The following ZNF85 variants were observed in gnomAD, a reference collection of about 807,000 sequenced individuals.
The protein encoded by ZNF85 is zinc finger protein 85 (HPF4, HTF1).
A neutral mutation model predicts 53.9 loss-of-function variants in ZNF85; 50 were observed. That is an observed-to-expected ratio of 0.93 (90% confidence interval 0.74 to 1.17). The LOEUF (loss-of-function observed/expected upper bound fraction) is 1.17. Among genes scored for constraint, ZNF85 ranks in the 50% most tolerant of loss-of-function variants. The probability of loss-of-function intolerance (pLI) is 0.00; values close to 1 mark genes in which losing one functional copy is unlikely to be tolerated. For missense variants in ZNF85, 747 were observed against 688.5 expected, an observed-to-expected ratio of 1.08 and a Z score of -0.95; for synonymous variants, 225 against 226.1, an observed-to-expected ratio of 1.00 and a Z score of 0.04.
At chr19:20,940,710 A>G (rs1444724992) in intron 3 of ZNF85, among the ~76,000 whole-genome samples, 1 of 152,176 alleles carries the variant, frequency 6.6e-6, no homozygotes, top group Non-Finnish European at 1.5e-5. Flanking sequence ...TTCTGTTTTT[A>G]TGAGTGTGAC....
At chr19:20,931,404 AT>A (rs996112014) in intron 1 of ZNF85, among the ~76,000 whole-genome samples, 2 of 151,874 alleles carry the variant, frequency 1.3e-5, no homozygotes, top group South Asian at 2.1e-4. Context: ...CTTTCCACAG[AT>A]TCTGTTTATT....
At chr19:20,941,673 A>G (rs113177291) in intron 3 of ZNF85, among the ~76,000 whole-genome samples, 1,816 of 152,344 alleles carry the variant, frequency 0.012, 34 homozygotes, top group African/African-American at 0.035. Flanking sequence ...GTTAAGTTTT[A>G]CAAGTTGTTT....
intron 3 of ZNF85, chr19:20,937,198 A>T: frequency 2.6e-6 from 1 of 381,672 alleles, no homozygotes. Flanking sequence ...CGTCTGGCCA[A>T]TTTTTTGTAT....
Position 20,948,977 on chromosome 19 carries a change from G to T in ZNF85, c.463G>T (p.Ala155Ser), listed in dbSNP as rs184854107. 8 of 1,613,302 alleles carry T rather than the reference G, an allele frequency of 5.0e-6. No homozygotes were observed. Among genetic ancestry groups the T allele is most frequent in the African/African-American group, 2.7e-5 (2 of 74,830 alleles). Reference protein sequence around the residue: ...IFQCDKYVKVAHKFSNSNRHE... With the variant: ...IFQCDKYVKVSHKFSNSNRHE... The stretch of plus-strand genomic sequence containing the variant: ...TCAATGTGATAAATATGTAAAAGTC[G>T]CTCATAAATTTTCAAATTCAAACAG... Residue 155 changes from alanine to serine, a missense_variant, in exon 4 of 4, where the codon GCT becomes TCT. Transcript: ENST00000328178.
At chr19:20,942,637 G>A (rs1427950867) in intron 3 of ZNF85, among the ~76,000 whole-genome samples, 3 of 152,072 alleles carry the variant, frequency 2.0e-5, no homozygotes, top group Non-Finnish European at 4.4e-5. Context: ...TGAAACTTGG[G>A]CAAGAATATG....
In ZNF85 at chr19:20,923,413, C is replaced by A. The variant is rs981379096; in HGVS notation, c.3+10C>A. On this transcript the variant is annotated intron_variant, in intron 1 of 3. Transcript: ENST00000328178. ...TGGAAGCCTAGAAATGGTGAGAGTG[C>A]CAGGTCCGCCATCCCGAGGGGGAAA... The A allele has an allele frequency of 6.2e-7, 1 of 1,614,040 alleles. No homozygotes were observed. The highest frequency in any genetic ancestry group is 1.3e-5 in the African/African-American group (1 of 75,026).
Position 20,923,386 on chromosome 19 carries a change from C to A in ZNF85, c.-15C>A. 1 of 1,614,148 alleles carries A rather than the reference C, an allele frequency of 6.2e-7. No individual in the cohort carries two copies. The highest frequency in any genetic ancestry group is 8.5e-7 in the Non-Finnish European group (1 of 1,180,004). Reference sequence around the variant, plus strand: ...ATCCACAGCTAAGACGCCGGGACCCCCTGGAAGCCTAGAAATGGTGAGAGT... The same window carrying A: ...ATCCACAGCTAAGACGCCGGGACCCACTGGAAGCCTAGAAATGGTGAGAGT... On this transcript the variant is annotated 5_prime_UTR_variant, in exon 1 of 4. Coordinates refer to ENST00000328178, the MANE Select transcript of ZNF85 (RefSeq NM_003429.5).
chr19:20,924,085 CAAA>C (rs35334102), intron 1 of ZNF85, among the ~76,000 whole-genome samples: 6 of 96,430 alleles, frequency 6.2e-5, no homozygotes, highest in Admixed American at 1.1e-4. Flanking sequence ...AACTCCGTCT[CAAA>C]AAAAAAAAAA....
intron 3 of ZNF85, among the ~76,000 whole-genome samples, chr19:20,939,039 T>C (rs1229704019): frequency 1.3e-5 from 2 of 152,182 alleles, no homozygotes; most frequent in Non-Finnish European, 2.9e-5. Flanking sequence ...CTCATTACAA[T>C]ATTCTATTTA....
chr19:20,935,117 C>T (rs1401602738), intron 3 of ZNF85, 70 bp downstream of exon 3: 7 of 976,592 alleles, frequency 7.2e-6, no homozygotes, highest in Non-Finnish European at 1.1e-5. Context: ...GAAAGCCAGT[C>T]CTTAAAATGT....
chr19:20,923,546 C>A, intron 1 of ZNF85, 143 bp downstream of exon 1: 1 of 1,390,178 alleles, frequency 7.2e-7, no homozygotes, highest in Non-Finnish European at 9.9e-7. Context: ...GGCCCCAGTT[C>A]CTCCAGCCAT....
chr19:20,942,380 G>T (rs1391265874), intron 3 of ZNF85, among the ~76,000 whole-genome samples: 1 of 152,056 alleles, frequency 6.6e-6, no homozygotes, highest in Non-Finnish European at 1.5e-5. Flanking sequence ...CTGACCTCAT[G>T]ATCCACCTGC....
chr19:20,939,834 A>T (rs144531010), intron 3 of ZNF85, among the ~76,000 whole-genome samples: 118 of 152,176 alleles, frequency 7.8e-4, no homozygotes, highest in African/African-American at 2.6e-3. Context: ...AGTTGCTGGG[A>T]TTACAGGCAT....
At chr19:20,936,956 G>A (rs1973172021) in intron 3 of ZNF85, 2 of 168,518 alleles carry the variant, frequency 1.2e-5, no homozygotes, top group African/African-American at 4.8e-5. Context: ...ATATAGTTTT[G>A]CATTGGTGTA....
rs773757244 is a variant in ZNF85 at position 20,950,258 on chromosome 19, AC to A, written c.1745del (p.Thr582IlefsTer5). The A allele has an allele frequency of 6.4e-7, 1 of 1,573,162 alleles. No individual in the cohort carries two copies. The highest frequency in any genetic ancestry group is 2.2e-5 in the East Asian group (1 of 44,608). ...AGCTTTTAAATGGTCCTCAGTCCTT[AC>A]TAAACATAAGATAATTCATACCGGA... ...DKAFKWSSVL[T>X]KHKIIHTGEK... is the part of the protein sequence containing the mutation. On this transcript the variant is annotated frameshift_variant, in exon 4 of 4. Transcript: ENST00000328178. LOFTEE classifies it high-confidence loss of function.
chr19:20,923,508 CTG>C, intron 1 of ZNF85, 105 bp downstream of exon 1: 1 of 1,576,948 alleles, frequency 6.3e-7, no homozygotes, highest in Non-Finnish European at 8.7e-7. Flanking sequence ...GCTCCACAAT[CTG>C]CGCTCCAGTT....
chr19:20,939,396 A>C (rs1906109349), intron 3 of ZNF85, among the ~76,000 whole-genome samples: 1 of 151,942 alleles, frequency 6.6e-6, no homozygotes, highest in African/African-American at 2.4e-5. Context: ...CTGGGACTAC[A>C]GGCACACACC....
In ZNF85 at chr19:20,935,021, A is replaced by G. The variant is rs1973124270; in HGVS notation, c.203A>G (p.His68Arg). ...QGKEAWSMKRHEIMVAKPTVM... is the reference protein window; with the variant it reads ...QGKEAWSMKRREIMVAKPTVM... ...AAAGAGGCCTGGAGTATGAAGAGAC[A>G]TGAGATCATGGTGGCCAAACCCACA... Residue 68 changes from histidine to arginine, a missense_variant, in exon 3 of 4, where the codon CAT (histidine) becomes CGT (arginine). Physicochemically the swap from His to Arg is conservative, Grantham distance 29 (BLOSUM62 0). Coordinates refer to ENST00000328178, the MANE Select transcript of ZNF85 (RefSeq NM_003429.5). The G allele has an allele frequency of 6.2e-7, 1 of 1,611,424 alleles. No homozygotes were observed. The highest frequency in any genetic ancestry group is 8.5e-7 in the Non-Finnish European group (1 of 1,178,684).
intron 1 of ZNF85, among the ~76,000 whole-genome samples, chr19:20,930,773 TTTTA>T (rs1972997754): frequency 6.6e-6 from 1 of 152,210 alleles, no homozygotes; most frequent in Non-Finnish European, 1.5e-5. Flanking sequence ...TGGAGATGGA[TTTTA>T]TTTATTTATT....
Sources: gnomAD v4.1 joint callset for allele counts (sites outside exome capture counted in the v4.1 genomes callset) on GRCh38, gnomAD v4.1.1 for gene constraint, MANE v1.5 for transcripts, NCBI Gene and HGNC (gene_info 2026-07-23, HGNC 2026-07-21) for gene names.